Variants in EZH1 observed in about 807,000 individuals in gnomAD.
The protein encoded by EZH1 is enhancer of zeste 1 polycomb repressive complex 2 subunit.
EZH1 carries 33 observed loss-of-function variants against 100.5 expected under a neutral mutation model. The observed-to-expected ratio is 0.33, with a 90% CI of 0.25 to 0.44. The LOEUF (loss-of-function observed/expected upper bound fraction) is 0.44. EZH1 is among the 20% of genes least tolerant of loss of function. The pLI is 1.00. For synonymous variants in EZH1, 272 were observed against 313.8 expected, an observed-to-expected ratio of 0.87 and a Z score of 1.41; for missense variants, 475 against 928.4, an observed-to-expected ratio of 0.51 and a Z score of 6.35.
chr17:42,733,028 T>G (rs1431176733), intron 1 of EZH1, among the ~76,000 whole-genome samples: 2 of 88,762 alleles, frequency 2.3e-5, no homozygotes, highest in Admixed American at 2.5e-4. Context: ...AGACACCATC[T>G]CTACAAAAAA....
chr17:42,730,487 C>CTTTT lies in EZH1; in HGVS notation c.-12+337_-12+340dup, dbSNP rs1156867481. Among the ~76,000 whole-genome samples, 45 of 66,666 alleles carry CTTTT rather than the reference C, an allele frequency of 6.8e-4. 4 individuals are homozygous for CTTTT. Among genetic ancestry groups the CTTTT allele is most frequent in the African/African-American group, 1.0e-3 (18 of 17,388 alleles). The allele number at this position is 66,666 out of a possible 152,430, so 43.7% of individuals were successfully genotyped here. ...TCAACGTTTTAAAGAAGTATGTATT[C>CTTTT]TTTTTTTTTTTTTTTTTTTTTTTTT... On this transcript the variant is annotated intron_variant, in intron 2 of 20. Transcript: ENST00000428826.
intron 10 of EZH1, among the ~76,000 whole-genome samples, chr17:42,716,162 GA>G (rs200184161): frequency 3.3e-5 from 5 of 150,276 alleles, no homozygotes; most frequent in African/African-American, 4.9e-5. Flanking sequence ...TGGTACAGCT[GA>G]AAAAAAAATT....
Position 42,704,621 on chromosome 17 carries a change from G to A in EZH1, c.1998C>T (p.Phe666=). The A allele has an allele frequency of 6.2e-7, 1 of 1,613,946 alleles. No individual in the cohort carries two copies. The highest frequency in any genetic ancestry group is 8.5e-7 in the Non-Finnish European group (1 of 1,179,888). Reference sequence around the variant, plus strand: ...TCATACCATTATTGAGGTTGAAGAGGAAGCTGGACATGTATTTGTCATAGA... The same window carrying A: ...TCATACCATTATTGAGGTTGAAGAGAAAGCTGGACATGTATTTGTCATAGA... ...GKVYDKYMSS[F]LFNLNNDFVV... The change falls in exon 18 of 21, where the codon TTC becomes TTT. Residue 666 remains phenylalanine (F), a synonymous_variant. Coordinates refer to ENST00000428826, the MANE Select transcript of EZH1 (RefSeq NM_001991.5).
At chr17:42,713,691 G>C (rs1023402479) in intron 10 of EZH1, among the ~76,000 whole-genome samples, 7 of 152,110 alleles carry the variant, frequency 4.6e-5, no homozygotes, top group Admixed American at 3.9e-4. Flanking sequence ...GAATTCCTGG[G>C]CTCAAGTGAT....
intron 12 of EZH1, among the ~76,000 whole-genome samples, chr17:42,710,814 G>T (rs2053466214): frequency 6.8e-6 from 1 of 146,512 alleles, no homozygotes; most frequent in South Asian, 2.2e-4. Flanking sequence ...GTAGAAATGG[G>T]GTCTCACTTT....
chr17:42,702,671 A>G (rs547507798), intron 20 of EZH1, 79 bp from the exon 21 acceptor site: 2 of 1,430,870 alleles, frequency 1.4e-6, no homozygotes, highest in East Asian at 4.8e-5. Context: ...CTCCCGTTTC[A>G]CTTCCCCTCC....
At chr17:42,724,695 A>G (rs111819207) in intron 4 of EZH1, 5 of 281,352 alleles carry the variant, frequency 1.8e-5, no homozygotes, top group African/African-American at 1.1e-4. Flanking sequence ...CTGAGGTATG[A>G]GAATCACTTG....
At position 42,745,014 on chromosome 17, in the gene EZH1, C is replaced by A. The variant is rs1413514145; in HGVS notation, c.-106G>T. On this transcript the variant is annotated 5_prime_UTR_variant, in exon 1 of 21. The change creates a premature stop within an existing upstream ORF in the 5' untranslated region. Coordinates refer to ENST00000428826, the MANE Select transcript of EZH1 (RefSeq NM_001991.5). ...CCAGGCTTGTTTACTCACTCACCCT[C>A]CATCCCGAGCCGCGGGTCCCGCTGC... The A allele has an allele frequency of 1.6e-6, 2 of 1,273,212 alleles. No individual in the cohort carries two copies. The highest frequency in any genetic ancestry group is 1.3e-5 in the South Asian group (1 of 78,290). The allele number at this position is 1,273,212 out of a possible 1,614,324, so 78.9% of individuals were successfully genotyped here.
chr17:42,715,462 G>A (rs1409044780), intron 10 of EZH1, among the ~76,000 whole-genome samples: 5 of 151,508 alleles, frequency 3.3e-5, no homozygotes, highest in African/African-American at 1.2e-4. Flanking sequence ...GCCCAGGCTG[G>A]TCTCGAACTC....
At chr17:42,712,630 T>C (rs1002449951) in intron 11 of EZH1, 145 bp from the exon 12 acceptor site, 1 of 854,638 alleles carries the variant, frequency 1.2e-6, no homozygotes, top group African/African-American at 1.7e-5. Flanking sequence ...AGGCCAGGCA[T>C]GGTGGCTCAC....
chr17:42,742,299 G>A (rs1403406451), intron 1 of EZH1, among the ~76,000 whole-genome samples: 1 of 151,912 alleles, frequency 6.6e-6, no homozygotes, highest in Non-Finnish European at 1.5e-5. Flanking sequence ...CCGCCACCAC[G>A]TCTGGCTAAT....
rs1329748789 is a variant in EZH1 at position 42,727,722 on chromosome 17, G to A, written c.159C>T (p.Thr53=). Residue 53 remains threonine, a synonymous_variant, in exon 4 of 21, where the codon ACC becomes ACT. Transcript: ENST00000428826. ...TCTTCCATTCTTCATTGAGGATCTG[G>A]GTTTTTTCTTGAACCTTTGCAAAAT... ...VANFAKVQEK[T]QILNEEWKKL... 3.1e-6 allele frequency: 5 copies of A among 1,607,264 alleles called. No homozygotes were observed. The highest frequency in any genetic ancestry group is 4.5e-5 in the East Asian group (2 of 44,278).
rs1413514145 is a variant in EZH1, at chr17:42,745,014, C to G, written c.-106G>C. 2 of 1,273,114 alleles carry G rather than the reference C, an allele frequency of 1.6e-6. No individual in the cohort carries two copies. The highest frequency in any genetic ancestry group is 2.0e-6 in the Non-Finnish European group (2 of 982,648). 78.9% of individuals were successfully genotyped at this position (1,273,114 alleles called of 1,614,324 possible). On this transcript the variant is annotated 5_prime_UTR_variant, in exon 1 of 21. Coordinates refer to ENST00000428826, the MANE Select transcript of EZH1 (RefSeq NM_001991.5). Reference sequence around the variant, plus strand: ...CCAGGCTTGTTTACTCACTCACCCTCCATCCCGAGCCGCGGGTCCCGCTGC... The same window carrying G: ...CCAGGCTTGTTTACTCACTCACCCTGCATCCCGAGCCGCGGGTCCCGCTGC...
intron 20 of EZH1, 56 bp downstream of exon 20, chr17:42,702,821 C>T (rs927899910): frequency 1.3e-6 from 2 of 1,576,554 alleles, no homozygotes; most frequent in African/African-American, 1.3e-5. Context: ...TCTATTCCAA[C>T]AGCCACTCTT....
intron 8 of EZH1, 85 bp downstream of exon 8, chr17:42,719,020 G>T: frequency 9.7e-7 from 1 of 1,029,478 alleles, no homozygotes; most frequent in Non-Finnish European, 1.5e-6. Context: ...CATAAACAAA[G>T]CTTTTTACTA....
intron 1 of EZH1, among the ~76,000 whole-genome samples, chr17:42,734,349 GT>G (rs2054021421): frequency 6.6e-6 from 1 of 151,998 alleles, no homozygotes; most frequent in Non-Finnish European, 1.5e-5. Flanking sequence ...CAAAATAATG[GT>G]TTTAAATTGC....
chr17:42,702,537 GGAC>G lies in EZH1; in HGVS notation c.2236_2238del (p.Val746del). Reference sequence around the variant, plus strand: ...TGCCGTGGGGCCTGGGAGGGCTAAAGGACGTCGGTCTCCCTCTCGATCCCCACG... The same window carrying G: ...TGCCGTGGGGCCTGGGAGGGCTAAAGGTCGGTCTCCCTCTCGATCCCCACG... On this transcript the variant is annotated inframe_deletion, in exon 21 of 21. Coordinates refer to ENST00000428826, the MANE Select transcript of EZH1 (RefSeq NM_001991.5). The G allele has an allele frequency of 6.4e-7, 1 of 1,561,814 alleles. No individual in the cohort carries two copies. The highest frequency in any genetic ancestry group is 8.7e-7 in the Non-Finnish European group (1 of 1,151,436).
chr17:42,703,565 A>G lies in EZH1; in HGVS notation c.2098+175T>C, dbSNP rs1035221587. On this transcript the variant is annotated intron_variant, in intron 19 of 20. Coordinates refer to ENST00000428826, the MANE Select transcript of EZH1 (RefSeq NM_001991.5). The stretch of plus-strand genomic sequence containing the variant: ...GAAAGTGTTTATAATGTATTCGCTG[A>G]AAAAAGCAGATTAGAAAACTAAGAT... 8.2e-6 allele frequency: 5 copies of G among 607,492 alleles called. No individual in the cohort carries two copies. The African/African-American group carries it at 9.3e-5, about 11-fold the overall frequency. The allele number at this position is 607,492 out of a possible 1,614,324, so 37.6% of individuals were successfully genotyped here. A position where few individuals can be genotyped will look rare whatever the true frequency, so the allele number is the denominator to read the frequency against.
intron 12 of EZH1, 68 bp from the exon 13 acceptor site, chr17:42,710,005 T>C: frequency 7.1e-7 from 1 of 1,412,536 alleles, no homozygotes; most frequent in Non-Finnish European, 1.0e-6. Context: ...CCCAGCTGGG[T>C]GCTGGCCTTG....
Sources: gnomAD v4.1 joint callset for allele counts (sites outside exome capture counted in the v4.1 genomes callset) on GRCh38, gnomAD v4.1.1 for gene constraint, MANE v1.5 for transcripts, NCBI Gene and HGNC (gene_info 2026-07-23, HGNC 2026-07-21) for gene names.